CUL9: variants seen among roughly 807,000 people sequenced by gnomAD.
The protein encoded by CUL9 is cullin-9.
Under a neutral mutation model 272.6 loss-of-function variants are expected in CUL9, and 79 were observed. That is an observed-to-expected ratio of 0.29 (90% CI 0.24 to 0.35). The LOEUF (loss-of-function observed/expected upper bound fraction) is 0.35. Among genes scored for constraint, CUL9 ranks in the 10% least tolerant of loss-of-function variants. CUL9 has a pLI of 1.00. For synonymous variants in CUL9, 1,186 were observed against 1,286.5 expected (o/e 0.92, Z 1.67); for missense variants, 2,532 against 3,255.6 (o/e 0.78, Z 5.41).
At position 43,184,252 on chromosome 6, in the gene CUL9, A is replaced by AT. The variant is rs1270476120; in HGVS notation, c.-9-42dup. On this transcript the variant is annotated intron_variant, in intron 1 of 40. Transcript: ENST00000252050. This position sits in a 1 kb window ranked among gnomAD's most constrained non-coding sequence, Gnocchi z 4.8. The stretch of plus-strand genomic sequence containing the variant: ...TCTCAAGATTCCACCCCCTCCATGT[A>AT]TTTTTTTTCTTTTCTCATACTGCCT... 44 of 1,311,490 alleles carry AT rather than the reference A, an allele frequency of 3.4e-5. No homozygotes were observed. The highest frequency in any genetic ancestry group is 7.8e-5 in the South Asian group (4 of 51,204). 81.2% of individuals were successfully genotyped at this position (1,311,490 alleles called of 1,614,324 possible). A position where few individuals can be genotyped will look rare whatever the true frequency, so the allele number is the denominator to read the frequency against.
chr6:43,213,418 TG>T lies in CUL9; in HGVS notation c.5359-17del. ...CCTTTTCTTTCCTTTGACTCCTGAC[TG>T]GGCGTTTCTGCTCATCAGGAGGTGT... On this transcript the variant is annotated intron_variant, in intron 27 of 40. Transcript: ENST00000252050. This position sits in a 1 kb window ranked among gnomAD's most constrained non-coding sequence, Gnocchi z 5.7. 4 of 1,613,636 alleles carry T rather than the reference TG, an allele frequency of 2.5e-6. No individual in the cohort carries two copies. The highest frequency in any genetic ancestry group is 3.4e-6 in the Non-Finnish European group (4 of 1,179,556).
At position 43,222,160 on chromosome 6, in the gene CUL9, G is replaced by C. The variant is rs1364481237; in HGVS notation, c.6847-156G>C. ...AGCCTCAACAGCCTCTGCAAAAGGG[G>C]TGAATAATATGACCTACTCCACACA... On this transcript the variant is annotated intron_variant, in intron 35 of 40. Transcript: ENST00000252050. 5.7e-5 allele frequency: 39 copies of C among 680,260 alleles called. No individual in the cohort carries two copies. The Middle Eastern group carries it at 1.4e-3, about 25-fold the overall frequency. The allele number at this position is 680,260 out of a possible 1,614,324, so 42.1% of individuals were successfully genotyped here.
chr6:43,210,110 C>T (rs1461682642), intron 26 of CUL9, among the ~76,000 whole-genome samples: 1 of 152,180 alleles, frequency 6.6e-6, no homozygotes, highest in Non-Finnish European at 1.5e-5. Context: ...TCCCGAGTAG[C>T]TGGGATTACA....
At position 43,188,535 on chromosome 6, in the gene CUL9, C is replaced by G; in HGVS notation, c.2000C>G (p.Ala667Gly). The change falls in exon 8 of 41, where the codon GCC (alanine) becomes GGC (glycine). Residue 667 changes from alanine (A) to glycine (G), a missense_variant. By Grantham distance (60) the Ala-to-Gly change is moderately conservative. Around this residue, in one of 3 missense-constraint regions of CUL9, gnomAD observed 2,218 missense variants for 2,788.6 expected, o/e 0.80. Transcript: ENST00000252050. ...MKEAASEMARALRGPGPRSSL... is the reference protein window; with the variant it reads ...MKEAASEMARGLRGPGPRSSL... ...CCACCAATTTCAGAAATGGCCAGAG[C>G]CTTGCGGGGTCCCGGTCCTCGCAGC... 2 of 1,608,148 alleles carry G rather than the reference C, an allele frequency of 1.2e-6. No individual in the cohort carries two copies. Among genetic ancestry groups the G allele is most frequent in the Non-Finnish European group, 1.7e-6 (2 of 1,176,988 alleles).
intron 16 of CUL9, 132 bp from the exon 17 acceptor site, chr6:43,202,584 G>A (rs965237859): frequency 1.4e-5 from 10 of 724,960 alleles, no homozygotes; most frequent in African/African-American, 1.2e-4. Context: ...GGGTCTTGCA[G>A]TGTTGCCCAG....
chr6:43,211,607 C>T (rs1221427005), intron 26 of CUL9, among the ~76,000 whole-genome samples: 1 of 151,938 alleles, frequency 6.6e-6, no homozygotes, highest in Non-Finnish European at 1.5e-5. Flanking sequence ...GGTGGAAAAC[C>T]CTACCAGTTT....
At chr6:43,191,481 A>ATTTTTTTTTTTTTTTTTTTTTTTT (rs34090146) in intron 8 of CUL9, among the ~76,000 whole-genome samples, 7 of 97,452 alleles carry the variant, frequency 7.2e-5, no homozygotes, top group African/African-American at 2.5e-4. Context: ...CACCCAGCTA[A>ATTTTTTTTTTTTTTTTTTTTTTTT]TTTTTTTTTT....
At chr6:43,205,551 C>A in intron 24 of CUL9, 128 bp downstream of exon 24, 2 of 1,130,370 alleles carry the variant, frequency 1.8e-6, no homozygotes, top group Non-Finnish European at 2.5e-6. Context: ...AGATGGCTGG[C>A]CAGGCGCGGT....
chr6:43,198,545 C>T (rs1438718243), intron 11 of CUL9, 64 bp from the exon 12 acceptor site: 1 of 1,583,152 alleles, frequency 6.3e-7, no homozygotes, highest in Non-Finnish European at 8.6e-7. Flanking sequence ...CTTCCCAGTT[C>T]TCAGTTTGAC....
At chr6:43,208,371 A>G (rs981839027) in intron 26 of CUL9, among the ~76,000 whole-genome samples, 2 of 152,024 alleles carry the variant, frequency 1.3e-5, no homozygotes, top group African/African-American at 4.8e-5. Context: ...ATGCCTGGCT[A>G]ATTTTTGTAT....
At position 43,218,530 on chromosome 6, in the gene CUL9, A is replaced by C. The variant is rs1282425325; in HGVS notation, c.6283-1929A>C. ...TGCGCCCGGCCCTACATTTTTTAAA[A>C]GATCGCTTCTGCCGTTGTGTGGAGA... is the stretch of plus-strand genomic sequence containing the variant. On this transcript the variant is annotated intron_variant, in intron 31 of 40. Transcript: ENST00000252050. The surrounding 1 kb of genome is among the most constrained non-coding windows in gnomAD (Gnocchi z 4.4). 6.6e-6 allele frequency among the ~76,000 whole-genome samples: 1 copy of C among 152,218 alleles called. No homozygotes were observed. Among genetic ancestry groups the C allele is most frequent in the East Asian group, 1.9e-4 (1 of 5,190 alleles).
chr6:43,191,851 C>T (rs1402164317), intron 8 of CUL9, among the ~76,000 whole-genome samples: 1 of 151,318 alleles, frequency 6.6e-6, no homozygotes, highest in Non-Finnish European at 1.5e-5. Context: ...TCCCAAAGTG[C>T]TGGGATTACA....
Position 43,224,455 on chromosome 6 carries a change from T to C in CUL9, c.*10T>C. The C allele has an allele frequency of 1.9e-6, 3 of 1,611,076 alleles. No homozygotes were observed. Among genetic ancestry groups the C allele is most frequent in the Non-Finnish European group, 2.5e-6 (3 of 1,178,650 alleles). On this transcript the variant is annotated 3_prime_UTR_variant, in exon 41 of 41. Transcript: ENST00000252050. The surrounding 1 kb of genome is among the most constrained non-coding windows in gnomAD (Gnocchi z 4.2). Reference sequence around the variant, plus strand: ...TGAGGCCTATGACTGAGGGGGCAGATGCAGGAAACACCTAGAGCAGCCCCA... The same window carrying C: ...TGAGGCCTATGACTGAGGGGGCAGACGCAGGAAACACCTAGAGCAGCCCCA...
intron 21 of CUL9, 82 bp from the exon 22 acceptor site, chr6:43,204,666 T>C: frequency 6.3e-7 from 1 of 1,581,714 alleles, no homozygotes; most frequent in Non-Finnish European, 8.6e-7. Context: ...CTACTGGCCT[T>C]TCCAGGAGAT....
At position 43,206,327 on chromosome 6, in the gene CUL9, G is replaced by A. The variant is rs779148213; in HGVS notation, c.5029G>A (p.Glu1677Lys). 2 of 1,601,530 alleles carry A rather than the reference G, an allele frequency of 1.2e-6. No homozygotes were observed. The highest frequency in any genetic ancestry group is 2.7e-5 in the African/African-American group (2 of 74,836). Residue 1677 changes from glutamate to lysine, a missense_variant, in exon 26 of 41, where the codon GAG becomes AAG. Glu to Lys is a moderately conservative substitution (Grantham distance 56). Transcript: ENST00000252050. This position sits in a 1 kb window ranked among gnomAD's most constrained non-coding sequence, Gnocchi z 4.8. ...EKRLEEEEEE[E>K]EEEEAEKELF... ...AAATCCTTCTGTCCCTCAGGAGGAA[G>A]AGGAGGAAGAGGAAGCTGAGAAAGA...
In CUL9 at chr6:43,203,028, C is replaced by T. The variant is rs557898561; in HGVS notation, c.3754-81C>T. 3.8e-5 allele frequency: 57 copies of T among 1,487,532 alleles called. 1 individual carries two copies. In the South Asian group the frequency reaches 4.4e-4, roughly 12 times the overall value. The allele number at this position is 1,487,532 out of a possible 1,614,324, so 92.1% of individuals were successfully genotyped here. A position where few individuals can be genotyped will look rare whatever the true frequency, so the allele number is the denominator to read the frequency against. On this transcript the variant is annotated intron_variant, in intron 17 of 40. Transcript: ENST00000252050. The surrounding 1 kb of genome is among the most constrained non-coding windows in gnomAD (Gnocchi z 5.0). ...AGAAGTGAAGGGCACACACCATGAC[C>T]GACTTGGTTACTGTCAACAATTTTT...
At position 43,199,360 on chromosome 6, in the gene CUL9, A is replaced by G; in HGVS notation, c.3145A>G (p.Ser1049Gly). ...CCTCAACTGCCTGAGTGGCCCTAGCAGTGACTCCGAGGTACCAGAACCCTG... is the reference window on the plus strand; with the variant it reads ...CCTCAACTGCCTGAGTGGCCCTAGCGGTGACTCCGAGGTACCAGAACCCTG... ...PCLNCLSGPS[S>G]DSEIVQELTC... Residue 1049 changes from serine (S) to glycine (G), a missense_variant, in exon 13 of 41, where the codon AGT becomes GGT. Physicochemically the swap from Ser to Gly is moderately conservative, Grantham distance 56. This residue lies in a region of CUL9 where 2,218 missense variants were observed against 2,788.6 expected (regional missense o/e 0.80). Transcript: ENST00000252050. This position sits in a 1 kb window ranked among gnomAD's most constrained non-coding sequence, Gnocchi z 4.4. The G allele has an allele frequency of 1.2e-6, 2 of 1,612,580 alleles. No individual in the cohort carries two copies. The highest frequency in any genetic ancestry group is 1.7e-6 in the Non-Finnish European group (2 of 1,178,894).
chr6:43,207,005 C>T (rs1315735049), intron 26 of CUL9, among the ~76,000 whole-genome samples: 4 of 152,080 alleles, frequency 2.6e-5, no homozygotes, highest in South Asian at 2.1e-4. Flanking sequence ...CCACCACACC[C>T]GGCTAATTGT....
chr6:43,186,404 T>C lies in CUL9; in HGVS notation c.1200T>C (p.Ala400=), dbSNP rs778076042. Reference sequence around the variant, plus strand: ...TGGATGATTATGAGGAGATCAGTGCTGGGGACGAGGGCGAGTTCCGGCAGA... The same window carrying C: ...TGGATGATTATGAGGAGATCAGTGCCGGGGACGAGGGCGAGTTCCGGCAGA... ...RMLDDYEEIS[A]GDEGEFRQSN... The change falls in exon 4 of 41, where the codon GCT becomes GCC. Residue 400 remains alanine (A), a synonymous_variant. Transcript: ENST00000252050. 1.7e-5 allele frequency: 27 copies of C among 1,608,694 alleles called. No homozygotes were observed. The highest frequency in any genetic ancestry group is 8.8e-5 in the South Asian group (8 of 90,948).
Sources: gnomAD v4.1 joint callset for allele counts (sites outside exome capture counted in the v4.1 genomes callset) on GRCh38, gnomAD v4.1.1 for gene constraint, gnomAD v4.1.1 regional missense constraint, Gnocchi (gnomAD v3.1) non-coding constraint, MANE v1.5 for transcripts, NCBI Gene and HGNC (gene_info 2026-07-23, HGNC 2026-07-21) for gene names.